Variants in ARID5B observed in about 807,000 individuals in gnomAD.
ARID5B encodes the protein AT-rich interactive domain-containing protein 5B.
A neutral mutation model predicts 97.2 loss-of-function variants in ARID5B; 13 were observed. That is an observed-to-expected ratio of 0.13 (90% CI 0.09 to 0.21). The LOEUF (loss-of-function observed/expected upper bound fraction) is 0.21. ARID5B is among the 10% of genes least tolerant of loss of function. The probability of loss-of-function intolerance (pLI) is 1.00; values close to 1 mark genes in which losing one functional copy is unlikely to be tolerated. For synonymous variants in ARID5B, 556 were observed against 570.3 expected (o/e 0.97, Z 0.36); for missense variants, 1,210 against 1,465.3 (o/e 0.83, Z 2.84).
chr10:62,032,195 T>C (rs1379853507), intron 4 of ARID5B, among the ~76,000 whole-genome samples: 1 of 152,168 alleles, frequency 6.6e-6, no homozygotes, highest in Non-Finnish European at 1.5e-5. Flanking sequence ...GGCACACACC[T>C]ATAGTCCCAG....
intron 9 of ARID5B, among the ~76,000 whole-genome samples, chr10:62,086,578 G>A (rs1187308403): frequency 1.3e-5 from 2 of 151,382 alleles, no homozygotes; most frequent in South Asian, 2.1e-4. Flanking sequence ...GTGGGCGCCT[G>A]TAGTCCCGGC....
chr10:61,982,086 G>A (rs1001720826), intron 3 of ARID5B, among the ~76,000 whole-genome samples: 5 of 152,132 alleles, frequency 3.3e-5, no homozygotes, highest in Non-Finnish European at 5.9e-5. Context: ...ACTTCTCCAC[G>A]TGTTGGAAGA....
intron 3 of ARID5B, among the ~76,000 whole-genome samples, chr10:61,963,440 C>T (rs1357858484): frequency 6.6e-6 from 1 of 152,142 alleles, no homozygotes; most frequent in East Asian, 1.9e-4. Context: ...GCCAACTGAC[C>T]TAGCTCATAG....
chr10:62,032,260 A>G (rs1839506743), intron 4 of ARID5B, among the ~76,000 whole-genome samples: 1 of 152,212 alleles, frequency 6.6e-6, no homozygotes, highest in Non-Finnish European at 1.5e-5. Flanking sequence ...TCAAGGTTAC[A>G]GTAAGTTTTG....
chr10:61,984,850 C>T (rs7907014), intron 3 of ARID5B, among the ~76,000 whole-genome samples: 148,099 of 152,226 alleles, frequency 0.97, 72,143 homozygotes, highest in East Asian at 1. Context: ...CTCTCTCCTT[C>T]TGACCTTTTG....
chr10:61,959,976 A>G (rs1343459269), intron 3 of ARID5B, among the ~76,000 whole-genome samples: 3 of 152,092 alleles, frequency 2.0e-5, no homozygotes, highest in African/African-American at 7.2e-5. Flanking sequence ...TGGTCCATGA[A>G]CTCCTTGTTA....
intron 3 of ARID5B, among the ~76,000 whole-genome samples, chr10:61,943,753 AC>A (rs1049226221): frequency 8.6e-5 from 13 of 151,940 alleles, no homozygotes; most frequent in African/African-American, 2.9e-4. Context: ...AAAAAAAAAA[AC>A]AAGAATGTTC....
intron 8 of ARID5B, among the ~76,000 whole-genome samples, 190 bp from the exon 9 acceptor site, chr10:62,085,511 AC>A (rs1384615059): frequency 6.6e-6 from 1 of 152,226 alleles, no homozygotes; most frequent in African/African-American, 2.4e-5. Context: ...GTATTAAGTT[AC>A]CAGGTACTGA....
At chr10:62,007,818 A>G (rs574736068) in intron 4 of ARID5B, among the ~76,000 whole-genome samples, 1 of 152,236 alleles carries the variant, frequency 6.6e-6, no homozygotes, top group East Asian at 1.9e-4. Flanking sequence ...CTCTGCATGG[A>G]ATGTATATCC....
At position 62,008,328 on chromosome 10, in the gene ARID5B, A is replaced by T. The variant is rs922046708; in HGVS notation, c.733+8007A>T. 1.1e-4 allele frequency among the ~76,000 whole-genome samples: 17 copies of T among 152,204 alleles called. 1 individual carries two copies. The highest frequency in any genetic ancestry group is 2.1e-4 in the Non-Finnish European group (14 of 68,020). Reference sequence around the variant, plus strand: ...ATGGCCAGCAATTGGCAAAATCAGCATACGTGCTCAGTGTCCGTGCTCTTT... The same window carrying T: ...ATGGCCAGCAATTGGCAAAATCAGCTTACGTGCTCAGTGTCCGTGCTCTTT... On this transcript the variant is annotated intron_variant, in intron 4 of 9. Coordinates refer to ENST00000279873, the MANE Select transcript of ARID5B (RefSeq NM_032199.3).
intron 3 of ARID5B, among the ~76,000 whole-genome samples, chr10:61,949,520 C>T (rs1244004512): frequency 6.6e-6 from 1 of 152,076 alleles, no homozygotes; most frequent in South Asian, 2.1e-4. Flanking sequence ...ATCCATAATC[C>T]CAGCTACTTG....
At chr10:61,970,991 G>GTGTGTA in intron 3 of ARID5B, among the ~76,000 whole-genome samples, 1 of 149,676 alleles carries the variant, frequency 6.7e-6, no homozygotes, top group East Asian at 2.0e-4. Context: ...GTGTGTGTGT[G>GTGTGTA]TATGTGTGTA....
At chr10:61,944,262 C>G (rs1335243855) in intron 3 of ARID5B, among the ~76,000 whole-genome samples, 1 of 151,960 alleles carries the variant, frequency 6.6e-6, no homozygotes, top group Admixed American at 6.5e-5. Context: ...AACACAAGAA[C>G]CTGTTTTTCC....
chr10:61,933,519 A>G (rs1457083264), intron 2 of ARID5B, among the ~76,000 whole-genome samples: 5 of 152,234 alleles, frequency 3.3e-5, no homozygotes, highest in Non-Finnish European at 7.3e-5. Flanking sequence ...TTCTTATATA[A>G]TGATACTCGT....
At chr10:62,029,022 C>T (rs1839459854) in intron 4 of ARID5B, among the ~76,000 whole-genome samples, 1 of 150,542 alleles carries the variant, frequency 6.6e-6, no homozygotes, top group African/African-American at 2.4e-5. Flanking sequence ...AAGAGATTTA[C>T]AATACGCACC....
At chr10:62,010,082 G>T (rs899575814) in intron 4 of ARID5B, among the ~76,000 whole-genome samples, 4 of 152,134 alleles carry the variant, frequency 2.6e-5, no homozygotes, top group African/African-American at 9.7e-5. Context: ...TCCTCTCACA[G>T]ACCCCCATCA....
chr10:61,917,544 G>T (rs1028007062), intron 2 of ARID5B, among the ~76,000 whole-genome samples: 1 of 152,154 alleles, frequency 6.6e-6, no homozygotes, highest in African/African-American at 2.4e-5. Flanking sequence ...GGTCAGGCTG[G>T]TCTCACTGCA....
At chr10:61,926,054 G>A (rs7088355) in intron 2 of ARID5B, among the ~76,000 whole-genome samples, 8,768 of 152,170 alleles carry the variant, frequency 0.058, 539 homozygotes, top group African/African-American at 0.15. Flanking sequence ...AAGAGCCTCC[G>A]TGGCAAATCA....
At chr10:61,910,685 G>T (rs893573807) in intron 2 of ARID5B, among the ~76,000 whole-genome samples, 2 of 152,216 alleles carry the variant, frequency 1.3e-5, no homozygotes, top group Non-Finnish European at 2.9e-5. Flanking sequence ...AGATGATGAT[G>T]ATTATTGAAA....
Sources: allele counts gnomAD v4.1 joint callset (sites outside exome capture counted in the v4.1 genomes callset), GRCh38; gene constraint gnomAD v4.1.1; transcripts MANE v1.5; gene names NCBI Gene and HGNC (gene_info 2026-07-23, HGNC 2026-07-21).